Variants in HS3ST3A1 observed in about 807,000 individuals in gnomAD.
The protein encoded by HS3ST3A1 is heparan sulfate glucosamine 3-O-sulfotransferase 3A1.
A neutral mutation model predicts 25.7 loss-of-function variants in HS3ST3A1; 19 were observed. The ratio of observed to expected loss-of-function variants is 0.74; its 90% CI spans 0.52 to 1.08. HS3ST3A1 has a LOEUF of 1.08. Ranked by LOEUF, HS3ST3A1 falls within the 50% of genes least tolerant of loss-of-function variation. The pLI is 0.00. For synonymous variants in HS3ST3A1, 226 were observed against 278.6 expected (o/e 0.81, Z 1.88); for missense variants, 459 against 594.3 (o/e 0.77, Z 2.37).
At chr17:13,564,299 A>C (rs1192342883) in intron 1 of HS3ST3A1, among the ~76,000 whole-genome samples, 1 of 152,188 alleles carries the variant, frequency 6.6e-6, no homozygotes, top group African/African-American at 2.4e-5. Context: ...TTTTTGGCAG[A>C]GATTTATTTT....
chr17:13,509,079 T>C (rs73292077), intron 1 of HS3ST3A1, among the ~76,000 whole-genome samples: 1 of 151,910 alleles, frequency 6.6e-6, no homozygotes, highest in Non-Finnish European at 1.5e-5. Flanking sequence ...AAAAAGGAAG[T>C]ACTTCCTGGC....
chr17:13,580,933 C>A (rs1470300634), intron 1 of HS3ST3A1, among the ~76,000 whole-genome samples: 1 of 151,998 alleles, frequency 6.6e-6, no homozygotes, highest in Non-Finnish European at 1.5e-5. Context: ...CAATTGAGGT[C>A]TCTGGTAGGC....
intron 1 of HS3ST3A1, among the ~76,000 whole-genome samples, chr17:13,555,546 C>G (rs537156076): frequency 6.6e-6 from 1 of 152,154 alleles, no homozygotes; most frequent in South Asian, 2.1e-4. Context: ...AGCATCTTGC[C>G]TCAAAACCAT....
chr17:13,561,388 CT>C (rs569977802), intron 1 of HS3ST3A1, among the ~76,000 whole-genome samples: 424 of 139,684 alleles, frequency 3.0e-3, no homozygotes, highest in Middle Eastern at 3.6e-3. Context: ...CCAGATCATT[CT>C]TTTTTTTTTT....
At position 13,526,492 on chromosome 17, in the gene HS3ST3A1, A is replaced by T. The variant is rs1276337967; in HGVS notation, c.600-29674T>A. The stretch of plus-strand genomic sequence containing the variant: ...TTAATTTTTATATATATATATATAT[A>T]TATATATATATATATATATATATTA... On this transcript the variant is annotated intron_variant, in intron 1 of 1. Coordinates refer to ENST00000284110, the MANE Select transcript of HS3ST3A1 (RefSeq NM_006042.3). 1.8e-3 allele frequency among the ~76,000 whole-genome samples: 236 copies of T among 129,472 alleles called. 2 individuals are homozygous for T. The highest frequency in any genetic ancestry group is 6.6e-3 in the African/African-American group (216 of 32,788). 84.9% of individuals were successfully genotyped at this position (129,472 alleles called of 152,430 possible).
chr17:13,583,273 A>C (rs1908163843), intron 1 of HS3ST3A1, among the ~76,000 whole-genome samples: 5 of 152,034 alleles, frequency 3.3e-5, no homozygotes, highest in Admixed American at 3.3e-4. Flanking sequence ...TGGGCCTCTG[A>C]AGCATTTGAT....
At chr17:13,583,157 T>G (rs1236308366) in intron 1 of HS3ST3A1, among the ~76,000 whole-genome samples, 1 of 152,208 alleles carries the variant, frequency 6.6e-6, no homozygotes, top group Non-Finnish European at 1.5e-5. Flanking sequence ...CTCACAGAAG[T>G]CTTCAGAGTT....
chr17:13,509,977 G>C (rs887794064), intron 1 of HS3ST3A1, among the ~76,000 whole-genome samples: 2 of 152,204 alleles, frequency 1.3e-5, no homozygotes, highest in African/African-American at 4.8e-5. Context: ...TTGGGGGCTG[G>C]GGGTGGAATT....
At chr17:13,584,087 G>T (rs1908184621) in intron 1 of HS3ST3A1, among the ~76,000 whole-genome samples, 1 of 152,194 alleles carries the variant, frequency 6.6e-6, no homozygotes, top group Admixed American at 6.5e-5. Context: ...ATATGTCACT[G>T]ATGGAAGAAT....
intron 1 of HS3ST3A1, among the ~76,000 whole-genome samples, chr17:13,582,225 G>C (rs1908135137): frequency 6.6e-6 from 1 of 152,032 alleles, no homozygotes; most frequent in Admixed American, 6.5e-5. Context: ...CCTTGGGGAG[G>C]AAGAAAAAGA....
rs141750696 is a variant in HS3ST3A1, at chr17:13,515,368, C to A, written c.600-18550G>T. Among the ~76,000 whole-genome samples, 804 of 151,924 alleles carry A rather than the reference C, an allele frequency of 5.3e-3. 8 individuals are homozygous for A. The highest frequency in any genetic ancestry group is 0.018 in the African/African-American group (765 of 41,420). On this transcript the variant is annotated intron_variant, in intron 1 of 1. Coordinates refer to ENST00000284110, the MANE Select transcript of HS3ST3A1 (RefSeq NM_006042.3). ...AGAGATGGGTTTTCACCATGTTGGC[C>A]AGGCTGTTCTTGAACTCGTGACCTC...
intron 1 of HS3ST3A1, among the ~76,000 whole-genome samples, chr17:13,553,159 A>G (rs9892843): frequency 0.017 from 2,546 of 152,272 alleles, 75 homozygotes; most frequent in African/African-American, 0.058. Flanking sequence ...CCCAGTAACA[A>G]ATGATTTCAC....
intron 1 of HS3ST3A1, among the ~76,000 whole-genome samples, chr17:13,517,082 C>T (rs910560827): frequency 3.3e-5 from 5 of 152,232 alleles, no homozygotes; most frequent in African/African-American, 1.2e-4. Context: ...AGCATACATG[C>T]GTTTTTCTGA....
At chr17:13,570,508 C>G (rs1414828102) in intron 1 of HS3ST3A1, among the ~76,000 whole-genome samples, 2 of 152,152 alleles carry the variant, frequency 1.3e-5, no homozygotes, top group African/African-American at 4.8e-5. Flanking sequence ...TCGAGACAAA[C>G]AAACTCTGCT....
intron 1 of HS3ST3A1, among the ~76,000 whole-genome samples, chr17:13,533,705 A>C (rs1274721966): frequency 6.6e-6 from 1 of 152,140 alleles, no homozygotes; most frequent in Non-Finnish European, 1.5e-5. Context: ...ATAGGAGAGC[A>C]ATAACCCAAA....
intron 1 of HS3ST3A1, among the ~76,000 whole-genome samples, chr17:13,598,846 A>C (rs560593593): frequency 6.6e-6 from 1 of 152,328 alleles, no homozygotes; most frequent in Admixed American, 6.5e-5. Flanking sequence ...TGTGGAAATA[A>C]AGTTTATATG....
chr17:13,569,553 A>T (rs548921277), intron 1 of HS3ST3A1, among the ~76,000 whole-genome samples: 22 of 152,250 alleles, frequency 1.4e-4, no homozygotes, highest in Admixed American at 5.9e-4. Context: ...CAGCAAGTAC[A>T]CAAAGCCTGC....
At chr17:13,542,042 G>A (rs1906949332) in intron 1 of HS3ST3A1, among the ~76,000 whole-genome samples, 2 of 152,124 alleles carry the variant, frequency 1.3e-5, no homozygotes, top group African/African-American at 4.8e-5. Flanking sequence ...AAAGTTAAAT[G>A]AGGGGTCGGG....
chr17:13,541,453 C>T (rs1242626071), intron 1 of HS3ST3A1, among the ~76,000 whole-genome samples: 6 of 152,118 alleles, frequency 3.9e-5, no homozygotes, highest in Non-Finnish European at 7.3e-5. Flanking sequence ...CTGTCTCACT[C>T]GCTCTTGGTA....
Sources: gnomAD v4.1 joint callset for allele counts (sites outside exome capture counted in the v4.1 genomes callset) on GRCh38, gnomAD v4.1.1 for gene constraint, MANE v1.5 for transcripts, NCBI Gene and HGNC (gene_info 2026-07-23, HGNC 2026-07-21) for gene names.